CRISPLD2: variants seen among roughly 807,000 people sequenced by gnomAD.
CRISPLD2 encodes the protein cysteine rich secretory protein LCCL domain containing 2.
In CRISPLD2, 47 loss-of-function variants were observed where a neutral mutation model predicts 71.1. The ratio of observed to expected loss-of-function variants is 0.66; its 90% CI spans 0.52 to 0.84. The LOEUF (loss-of-function observed/expected upper bound fraction) is 0.84, where lower values mean the gene tolerates loss of function less well. Among genes scored for constraint, CRISPLD2 ranks in the 40% least tolerant of loss-of-function variants. The pLI is 0.00. For synonymous variants in CRISPLD2, 317 were observed against 250.1 expected (o/e 1.27, Z -2.52); for missense variants, 830 against 651.1 (o/e 1.27, Z -2.99).
intron 1 of CRISPLD2, among the ~76,000 whole-genome samples, chr16:84,825,229 A>G (rs1195085018): frequency 6.6e-6 from 1 of 151,780 alleles, no homozygotes; most frequent in Non-Finnish European, 1.5e-5. Flanking sequence ...GAAGAAGGAG[A>G]ACTGAGAGGC....
At chr16:84,827,161 G>A (rs1035679505) in intron 1 of CRISPLD2, among the ~76,000 whole-genome samples, 16 of 130,894 alleles carry the variant, frequency 1.2e-4, no homozygotes, top group Non-Finnish European at 2.0e-4. Context: ...AGTCATTTCC[G>A]GACTTCTAAG....
At chr16:84,870,364 G>A (rs963535562) in intron 8 of CRISPLD2, among the ~76,000 whole-genome samples, 2 of 151,356 alleles carry the variant, frequency 1.3e-5, no homozygotes, top group Admixed American at 6.6e-5. Flanking sequence ...CTGTCACCCA[G>A]GCTGAAGTGC....
chr16:84,872,062 CAACT>C, intron 8 of CRISPLD2, among the ~76,000 whole-genome samples: 1 of 152,172 alleles, frequency 6.6e-6, no homozygotes, highest in South Asian at 2.1e-4. Flanking sequence ...TACAGTGTAA[CAACT>C]ATCTACATAG....
chr16:84,889,783 T>G (rs1481063059), intron 14 of CRISPLD2, among the ~76,000 whole-genome samples: 1 of 151,502 alleles, frequency 6.6e-6, no homozygotes, highest in African/African-American at 2.4e-5. Context: ...TGTGTGTGTG[T>G]GTGTGTGCAT....
intron 14 of CRISPLD2, among the ~76,000 whole-genome samples, chr16:84,895,187 A>G (rs1199207177): frequency 2.6e-5 from 4 of 152,208 alleles, no homozygotes; most frequent in Non-Finnish European, 4.4e-5. Flanking sequence ...AAGGAAGGGA[A>G]GCACAGAGAG....
rs1917006246 is a variant in CRISPLD2, at chr16:84,849,235, C to A, written c.360-150C>A. 11 of 776,528 alleles carry A rather than the reference C, an allele frequency of 1.4e-5. 1 individual carries two copies. In the South Asian group the frequency reaches 2.0e-4, roughly 14 times the overall value. The allele number at this position is 776,528 out of a possible 1,614,324, so 48.1% of individuals were successfully genotyped here. ...GGGCTATTCCGCCTCCTCGGCCTCC[C>A]TCCCTCCCGGCTGCCCGTGGCTGCT... On this transcript the variant is annotated intron_variant, in intron 3 of 14. Transcript: ENST00000262424.
intron 13 of CRISPLD2, among the ~76,000 whole-genome samples, chr16:84,883,584 G>A (rs2071586759): frequency 6.6e-6 from 1 of 152,230 alleles, no homozygotes; most frequent in Admixed American, 6.5e-5. Context: ...GGCTGGAACA[G>A]ATTTCTAGGC....
rs1370286919 is a variant in CRISPLD2, at chr16:84,867,011, C to A, written c.824C>A (p.Pro275His). ...CCGAGGGTGATGAGACCCACCAAGC[C>A]CAAGAAAACCTCTGCGGTCAACTAC... ...LQPRVMRPTK[P>H]KKTSAVNYMT... The change falls in exon 7 of 15, where the codon CCC becomes CAC. Residue 275 changes from proline (P) to histidine (H), a missense_variant. By Grantham distance (77) the Pro-to-His change is moderately conservative. Coordinates refer to ENST00000262424, the MANE Select transcript of CRISPLD2 (RefSeq NM_031476.4). 1.2e-6 allele frequency: 2 copies of A among 1,614,064 alleles called. No homozygotes were observed. Among genetic ancestry groups the A allele is most frequent in the South Asian group, 2.2e-5 (2 of 91,078 alleles).
chr16:84,826,022 G>C (rs1327351753), intron 1 of CRISPLD2, among the ~76,000 whole-genome samples: 2 of 152,130 alleles, frequency 1.3e-5, no homozygotes, highest in Admixed American at 6.5e-5. Flanking sequence ...AGGTTTTCAG[G>C]CTTCCCTGGA....
chr16:84,869,060 G>T, intron 8 of CRISPLD2, 149 bp downstream of exon 8: 1 of 669,930 alleles, frequency 1.5e-6, no homozygotes, highest in East Asian at 3.1e-5. Context: ...GGTTAGGGCT[G>T]GGCAGTGTCT....
chr16:84,843,690 C>T (rs545863690), intron 2 of CRISPLD2, among the ~76,000 whole-genome samples: 2 of 149,992 alleles, frequency 1.3e-5, no homozygotes, highest in Admixed American at 6.6e-5. Context: ...GTATATTGCA[C>T]AGTCAGCATG....
chr16:84,850,704 T>C (rs371289342), intron 5 of CRISPLD2, 21 bp downstream of exon 5: 100 of 1,588,542 alleles, frequency 6.3e-5, no homozygotes, highest in Non-Finnish European at 7.9e-5. Flanking sequence ...TTGATGCCGT[T>C]GTATGGGGTG....
In CRISPLD2 at chr16:84,849,370, G is replaced by T; in HGVS notation, c.360-15G>T. ...GGGAGGGGCTGGGACTGAGTGAGCG[G>T]TTTCTGCCCTGCAGGTATCGCTCTC... On this transcript the variant is annotated splice_polypyrimidine_tract_variant and intron_variant, in intron 3 of 14. Coordinates refer to ENST00000262424, the MANE Select transcript of CRISPLD2 (RefSeq NM_031476.4). The T allele has an allele frequency of 6.2e-7, 1 of 1,609,098 alleles. No homozygotes were observed. The highest frequency in any genetic ancestry group is 8.5e-7 in the Non-Finnish European group (1 of 1,176,172).
intron 8 of CRISPLD2, among the ~76,000 whole-genome samples, chr16:84,872,148 T>C (rs2071476337): frequency 1.3e-5 from 2 of 152,192 alleles, no homozygotes; most frequent in South Asian, 4.1e-4. Context: ...ATGCAAAGGT[T>C]ATACGCAAAT....
At chr16:84,852,482 C>G (rs1917116976) in intron 5 of CRISPLD2, among the ~76,000 whole-genome samples, 1 of 152,246 alleles carries the variant, frequency 6.6e-6, no homozygotes, top group Admixed American at 6.5e-5. Flanking sequence ...TGCTCAACAT[C>G]ACATTGGTGA....
intron 1 of CRISPLD2, among the ~76,000 whole-genome samples, chr16:84,831,759 G>A (rs1276598764): frequency 6.6e-6 from 1 of 151,688 alleles, no homozygotes. Context: ...TTTATTTTTT[G>A]AGTCTTGCCG....
intron 5 of CRISPLD2, 87 bp downstream of exon 5, chr16:84,850,770 G>C: frequency 1.0e-6 from 1 of 1,004,650 alleles, no homozygotes; most frequent in South Asian, 1.3e-5. Context: ...GGCTTGAGCA[G>C]CGAAGTCTTT....
chr16:84,903,137 G>C (rs796584205), intron 14 of CRISPLD2, among the ~76,000 whole-genome samples: 1 of 152,040 alleles, frequency 6.6e-6, no homozygotes, highest in Admixed American at 6.6e-5. Context: ...ATCTGATTTG[G>C]TTTGGTCTGT....
chr16:84,851,718 G>T (rs1429703745), intron 5 of CRISPLD2, among the ~76,000 whole-genome samples: 3 of 152,212 alleles, frequency 2.0e-5, no homozygotes, highest in Non-Finnish European at 1.5e-5. Flanking sequence ...GTCCAAGGTG[G>T]TGGAATTCCT....
Sources: gnomAD v4.1 joint callset for allele counts (sites outside exome capture counted in the v4.1 genomes callset) on GRCh38, gnomAD v4.1.1 for gene constraint, MANE v1.5 for transcripts, NCBI Gene and HGNC (gene_info 2026-07-23, HGNC 2026-07-21) for gene names.